Variants in EXOC6B observed in about 807,000 individuals in gnomAD.
EXOC6B encodes exocyst complex component 6B.
A neutral mutation model predicts 113.5 loss-of-function variants in EXOC6B; 54 were observed. The ratio of observed to expected loss-of-function variants is 0.48; its 90% confidence interval spans 0.38 to 0.60. The LOEUF (loss-of-function observed/expected upper bound fraction) is 0.60. Ranked by LOEUF, EXOC6B falls within the 20% of genes least tolerant of loss-of-function variation. The pLI is 0.00. For missense variants in EXOC6B, 797 were observed against 977.5 expected (o/e 0.82, Z 2.46); for synonymous variants, 357 against 339.0 (o/e 1.05, Z -0.58).
At chr2:72,284,832 C>T (rs1206616237) in intron 20 of EXOC6B, among the ~76,000 whole-genome samples, 5 of 151,898 alleles carry the variant, frequency 3.3e-5, no homozygotes, top group African/African-American at 1.2e-4. Context: ...TATATACCAC[C>T]AATGAACAAG....
chr2:72,579,164 C>T (rs1357424311), intron 6 of EXOC6B, among the ~76,000 whole-genome samples: 1 of 152,042 alleles, frequency 6.6e-6, no homozygotes, highest in African/African-American at 2.4e-5. Flanking sequence ...AAATGTGGTA[C>T]ATGGAAGAGA....
Position 72,723,367 on chromosome 2 carries a change from A to C in EXOC6B, c.465-5060T>G, listed in dbSNP as rs143190296. On this transcript the variant is annotated intron_variant, in intron 5 of 21. Coordinates refer to ENST00000272427, the MANE Select transcript of EXOC6B (RefSeq NM_015189.3). ...GAAAGAGGTTCTAAATAATCCTACA[A>C]ACTGAGTAACCATGATCAGAATAAC... Among the ~76,000 whole-genome samples, 41 of 152,162 alleles carry C rather than the reference A, an allele frequency of 2.7e-4. No homozygotes were observed. In the East Asian group the frequency reaches 7.1e-3, roughly 27 times the overall value.
chr2:72,446,008 G>C (rs1480012519), intron 18 of EXOC6B, among the ~76,000 whole-genome samples: 3 of 152,178 alleles, frequency 2.0e-5, no homozygotes, highest in Non-Finnish European at 2.9e-5. Context: ...GGCTGGTGAG[G>C]TTTCAGAGGA....
At chr2:72,473,537 C>T (rs113373910) in intron 17 of EXOC6B, among the ~76,000 whole-genome samples, 3 of 151,842 alleles carry the variant, frequency 2.0e-5, no homozygotes, top group Non-Finnish European at 4.4e-5. Flanking sequence ...CTTTTTCTAT[C>T]CCTTTATTTT....
intron 8 of EXOC6B, among the ~76,000 whole-genome samples, chr2:72,516,459 G>T (rs1701218660): frequency 1.3e-5 from 2 of 152,104 alleles, no homozygotes; most frequent in Non-Finnish European, 1.5e-5. Context: ...TGTTGGCCAG[G>T]ATGGTCTCGA....
intron 20 of EXOC6B, among the ~76,000 whole-genome samples, chr2:72,224,109 AT>A (rs1286908845): frequency 6.6e-6 from 1 of 152,300 alleles, no homozygotes; most frequent in East Asian, 1.9e-4. Flanking sequence ...AATAAAAGGT[AT>A]TAGAAATGTA....
At chr2:72,671,768 A>AAAGC (rs1675836958) in intron 6 of EXOC6B, among the ~76,000 whole-genome samples, 1 of 77,330 alleles carries the variant, frequency 1.3e-5, no homozygotes, top group Non-Finnish European at 2.7e-5. Flanking sequence ...AGAAAGAAAG[A>AAAGC]AAGAAAGAAA....
intron 18 of EXOC6B, chr2:72,462,638 C>G (rs960672252): frequency 3.3e-5 from 5 of 151,976 alleles, no homozygotes; most frequent in East Asian, 1.9e-4. Flanking sequence ...AGGACTTTAT[C>G]AGACACTGAA....
intron 1 of EXOC6B, among the ~76,000 whole-genome samples, chr2:72,746,618 A>T (rs893832694): frequency 6.6e-6 from 1 of 152,110 alleles, no homozygotes; most frequent in African/African-American, 2.4e-5. Context: ...ACAGGATTAT[A>T]TCACTTGCTT....
chr2:72,560,873 T>C (rs1438047744), intron 7 of EXOC6B, among the ~76,000 whole-genome samples: 1 of 149,884 alleles, frequency 6.7e-6, no homozygotes, highest in East Asian at 1.9e-4. Flanking sequence ...GAAGAGGTAA[T>C]GAGCATTGCA....
intron 1 of EXOC6B, among the ~76,000 whole-genome samples, chr2:72,762,259 G>GA (rs1461613159): frequency 6.9e-6 from 1 of 145,260 alleles, no homozygotes; most frequent in Non-Finnish European, 1.5e-5. Flanking sequence ...AAAAAAAAAA[G>GA]AAAAGAAAAG....
At chr2:72,816,587 C>T (rs1573845224) in intron 1 of EXOC6B, among the ~76,000 whole-genome samples, 1 of 152,094 alleles carries the variant, frequency 6.6e-6, no homozygotes, top group Non-Finnish European at 1.5e-5. Flanking sequence ...CTTTTCTTTC[C>T]ACTTTTTAAA....
At chr2:72,740,964 C>A (rs569550693) in intron 2 of EXOC6B, among the ~76,000 whole-genome samples, 6 of 152,102 alleles carry the variant, frequency 3.9e-5, no homozygotes, top group African/African-American at 1.4e-4. Flanking sequence ...ATTAGCCGGG[C>A]GTGGTGGTGG....
chr2:72,426,791 A>C (rs1695222548), intron 18 of EXOC6B, among the ~76,000 whole-genome samples: 1 of 152,246 alleles, frequency 6.6e-6, no homozygotes, highest in Non-Finnish European at 1.5e-5. Flanking sequence ...TCTAACTTTA[A>C]TTTAGTTCAA....
At chr2:72,589,831 GA>G (rs141524822) in intron 6 of EXOC6B, among the ~76,000 whole-genome samples, 36 of 147,514 alleles carry the variant, frequency 2.4e-4, no homozygotes, top group Admixed American at 4.7e-4. Context: ...GCATTGAATG[GA>G]AAAAAAAAAT....
chr2:72,243,839 C>A (rs1418950074), intron 20 of EXOC6B, among the ~76,000 whole-genome samples: 2 of 152,114 alleles, frequency 1.3e-5, no homozygotes, highest in Non-Finnish European at 2.9e-5. Context: ...GAGGTTAATT[C>A]TCCAAAGGGA....
intron 18 of EXOC6B, among the ~76,000 whole-genome samples, chr2:72,405,826 T>C (rs1483443240): frequency 6.6e-6 from 1 of 152,190 alleles, no homozygotes; most frequent in Non-Finnish European, 1.5e-5. Flanking sequence ...AACATCATAA[T>C]GACAGGATCA....
At chr2:72,210,170 T>A (rs780757398) in intron 20 of EXOC6B, among the ~76,000 whole-genome samples, 1 of 152,176 alleles carries the variant, frequency 6.6e-6, no homozygotes, top group Non-Finnish European at 1.5e-5. Context: ...TTTTTAGGCA[T>A]CTACTCAATC....
At chr2:72,606,062 T>C (rs1018203624) in intron 6 of EXOC6B, among the ~76,000 whole-genome samples, 2 of 152,192 alleles carry the variant, frequency 1.3e-5, no homozygotes, top group African/African-American at 2.4e-5. Flanking sequence ...ATCAGTGGAA[T>C]GAATCAGAGA....
Sources: allele counts gnomAD v4.1 joint callset (sites outside exome capture counted in the v4.1 genomes callset), GRCh38; gene constraint gnomAD v4.1.1; transcripts MANE v1.5; gene names NCBI Gene and HGNC (gene_info 2026-07-23, HGNC 2026-07-21).